Variants in PPP4R1 observed in about 807,000 individuals in gnomAD.
The protein encoded by PPP4R1 is serine/threonine-protein phosphatase 4 regulatory subunit 1.
A neutral mutation model predicts 111.2 loss-of-function variants in PPP4R1; 42 were observed. That is an observed-to-expected ratio of 0.38 (90% CI 0.29 to 0.49). The LOEUF (loss-of-function observed/expected upper bound fraction) is 0.49. Among genes scored for constraint, PPP4R1 ranks in the 20% least tolerant of loss-of-function variants. PPP4R1 has a pLI of 0.97. For missense variants in PPP4R1, 1,012 were observed against 1,161.6 expected, an observed-to-expected ratio of 0.87 and a Z score of 1.87; for synonymous variants, 409 against 405.5, an observed-to-expected ratio of 1.01 and a Z score of -0.10.
intron 2 of PPP4R1, among the ~76,000 whole-genome samples, chr18:9,602,366 C>CG (rs2067399863): frequency 2.0e-5 from 1 of 49,806 alleles, no homozygotes; most frequent in Non-Finnish European, 3.5e-5. Context: ...CCCATCTCTA[C>CG]TAAAAAAAAA....
At chr18:9,563,241 T>C (rs2066706436) in intron 12 of PPP4R1, 137 bp downstream of exon 12, 2 of 1,261,490 alleles carry the variant, frequency 1.6e-6, no homozygotes, top group Non-Finnish European at 1.1e-6. Flanking sequence ...ACAATTACTT[T>C]ATGCAAAACG....
At chr18:9,603,816 G>A (rs1263563099) in intron 2 of PPP4R1, among the ~76,000 whole-genome samples, 1 of 151,980 alleles carries the variant, frequency 6.6e-6, no homozygotes, top group Non-Finnish European at 1.5e-5. Context: ...CCTATTTTTG[G>A]TGCAAAGAAA....
At chr18:9,593,924 T>C (rs753270850) in intron 3 of PPP4R1, 50 bp from the exon 4 acceptor site, 3 of 1,437,936 alleles carry the variant, frequency 2.1e-6, no homozygotes, top group Non-Finnish European at 2.9e-6. Context: ...CAATAGCTAA[T>C]ATCCAGAATT....
intron 16 of PPP4R1, 44 bp downstream of exon 16, chr18:9,553,278 A>G: frequency 7.2e-7 from 1 of 1,382,358 alleles, no homozygotes; most frequent in South Asian, 1.2e-5. Flanking sequence ...TGAAGTAAAT[A>G]TATACCCCTC....
intron 12 of PPP4R1, 65 bp downstream of exon 12, chr18:9,563,313 T>A: frequency 6.8e-7 from 1 of 1,461,196 alleles, no homozygotes; most frequent in Non-Finnish European, 9.2e-7. Flanking sequence ...CTACAACTAT[T>A]CCCCAATGAA....
In PPP4R1 at chr18:9,547,674, C is replaced by T. The variant is rs757982905; in HGVS notation, c.*115G>A. On this transcript the variant is annotated 3_prime_UTR_variant, in exon 20 of 20. Coordinates refer to ENST00000400556, the MANE Select transcript of PPP4R1 (RefSeq NM_001042388.3). Reference sequence around the variant, plus strand: ...GGCAACTTGCACCTGCAATGAAGTCCGCAGGAGAGGAAGGTCTCTCCTCCC... The same window carrying T: ...GGCAACTTGCACCTGCAATGAAGTCTGCAGGAGAGGAAGGTCTCTCCTCCC... 718 of 1,304,684 alleles carry T rather than the reference C, an allele frequency of 5.5e-4. 1 individual carries two copies. The highest frequency in any genetic ancestry group is 1.1e-3 in the Middle Eastern group (4 of 3,628). 80.8% of individuals were successfully genotyped at this position (1,304,684 alleles called of 1,614,324 possible).
At position 9,550,160 on chromosome 18, in the gene PPP4R1, G is replaced by A. The variant is rs190414935; in HGVS notation, c.2439C>T (p.His813=). The change falls in exon 18 of 20, where the codon CAC becomes CAT. Residue 813 remains histidine (H), a synonymous_variant. Transcript: ENST00000400556. ...CTCCGAACGTTGGTGGTGTTGCCGC[G>A]TGCAGCTTCTTCACCATCTCGCTGA... ...KLVSEMVKKL[H]AATPPTFGVD... 5.3e-5 allele frequency: 86 copies of A among 1,614,184 alleles called. No individual in the cohort carries two copies. The African/African-American group carries it at 9.2e-4, about 17-fold the overall frequency.
intron 2 of PPP4R1, among the ~76,000 whole-genome samples, chr18:9,598,732 A>T (rs2067330941): frequency 6.6e-6 from 1 of 152,150 alleles, no homozygotes; most frequent in African/African-American, 2.4e-5. Flanking sequence ...CATCAGAAAC[A>T]ATTAATATGG....
At chr18:9,589,938 T>C (rs1221629027) in intron 4 of PPP4R1, 2 of 152,196 alleles carry the variant, frequency 1.3e-5, no homozygotes, top group African/African-American at 4.8e-5. Flanking sequence ...AGATAACAGA[T>C]ACCAATACTC....
Position 9,614,316 on chromosome 18 carries a change from C to T in PPP4R1, c.8-46G>A, listed in dbSNP as rs2067646374. The stretch of plus-strand genomic sequence containing the variant: ...AAAGGCCCGGTCAGCGCCCCGGGGC[C>T]CGGCGCGACGCCCCCCCCCCGCCCG... On this transcript the variant is annotated intron_variant, in intron 1 of 19. Transcript: ENST00000400556. The surrounding 1 kb of genome is among the most constrained non-coding windows in gnomAD (Gnocchi z 4.1). 3.2e-5 allele frequency: 38 copies of T among 1,191,436 alleles called. No individual in the cohort carries two copies. Among genetic ancestry groups the T allele is most frequent in the Non-Finnish European group, 3.8e-5 (36 of 950,580 alleles). 73.8% of individuals were successfully genotyped at this position (1,191,436 alleles called of 1,614,324 possible). A position where few individuals can be genotyped will look rare whatever the true frequency, so the allele number is the denominator to read the frequency against.
intron 11 of PPP4R1, 51 bp from the exon 12 acceptor site, chr18:9,563,601 T>C (rs747444565): frequency 1.2e-5 from 18 of 1,453,106 alleles, no homozygotes; most frequent in African/African-American, 2.8e-5. Context: ...ATTGCAATAT[T>C]CTTACAAGGC....
intron 15 of PPP4R1, among the ~76,000 whole-genome samples, chr18:9,556,278 C>G (rs912532183): frequency 6.6e-6 from 1 of 151,704 alleles, no homozygotes; most frequent in African/African-American, 2.4e-5. Context: ...CTGCAACCTC[C>G]ACCTCCTGGG....
At chr18:9,604,948 T>C (rs1462051039) in intron 2 of PPP4R1, among the ~76,000 whole-genome samples, 1 of 152,226 alleles carries the variant, frequency 6.6e-6, no homozygotes, top group Non-Finnish European at 1.5e-5. Flanking sequence ...ACAAGCACAT[T>C]AGCATATTAA....
At position 9,547,228 on chromosome 18, in the gene PPP4R1, T is replaced by C. The variant is rs1415052137; in HGVS notation, c.*561A>G. 6.5e-6 allele frequency: 1 copy of C among 153,692 alleles called. No homozygotes were observed. The highest frequency in any genetic ancestry group is 2.4e-5 in the African/African-American group (1 of 41,460). 9.5% of individuals were successfully genotyped at this position (153,692 alleles called of 1,614,324 possible). On this transcript the variant is annotated 3_prime_UTR_variant, in exon 20 of 20. Transcript: ENST00000400556. The stretch of plus-strand genomic sequence containing the variant: ...CTACTTGTGTTGGCATCAGGTCCTT[T>C]AGGAGATGTAAAAACCCCTCCTTTC...
Position 9,547,697 on chromosome 18 carries a change from C to T in PPP4R1, c.*92G>A. Reference sequence around the variant, plus strand: ...TCCGCAGGAGAGGAAGGTCTCTCCTCCCCCGAAAGCTATCCCAGGTCACAT... The same window carrying T: ...TCCGCAGGAGAGGAAGGTCTCTCCTTCCCCGAAAGCTATCCCAGGTCACAT... On this transcript the variant is annotated 3_prime_UTR_variant, in exon 20 of 20. Coordinates refer to ENST00000400556, the MANE Select transcript of PPP4R1 (RefSeq NM_001042388.3). The T allele has an allele frequency of 2.0e-6, 3 of 1,471,218 alleles. No homozygotes were observed. The highest frequency in any genetic ancestry group is 1.2e-5 in the South Asian group (1 of 81,442). 91.1% of individuals were successfully genotyped at this position (1,471,218 alleles called of 1,614,324 possible).
Position 9,570,546 on chromosome 18 carries a change from A to G in PPP4R1, c.1184T>C (p.Leu395Pro), listed in dbSNP as rs759874439. The G allele has an allele frequency of 6.2e-7, 1 of 1,614,196 alleles. No individual in the cohort carries two copies. Among genetic ancestry groups the G allele is most frequent in the East Asian group, 2.2e-5 (1 of 44,886 alleles). ...GTCCAGTGGAACACTAATTTCACCTAGAGGCTTCCCGGATGCCTCAGCAGC... is the reference window on the plus strand; with the variant it reads ...GTCCAGTGGAACACTAATTTCACCTGGAGGCTTCCCGGATGCCTCAGCAGC... Reference protein sequence around the residue: ...DHAAEASGKPLGEISVPLDSS... With the variant: ...DHAAEASGKPPGEISVPLDSS... Residue 395 changes from leucine to proline, a missense_variant, in exon 11 of 20, where the codon CTA (leucine) becomes CCA (proline). Around this residue, in one of 2 missense-constraint regions of PPP4R1, gnomAD observed 707 missense variants for 742.1 expected, o/e 0.95. Transcript: ENST00000400556.
At chr18:9,604,349 G>C (rs141291438) in intron 2 of PPP4R1, among the ~76,000 whole-genome samples, 71 of 152,156 alleles carry the variant, frequency 4.7e-4, no homozygotes, top group Non-Finnish European at 5.9e-5. Context: ...AGATGCCCTT[G>C]CACGCCCTCC....
At chr18:9,614,579 G>C, upstream of PPP4R1, 8 of 850,012 alleles carry the variant, frequency 9.4e-6, no homozygotes, top group Non-Finnish European at 1.1e-5. This position sits in a 1 kb window ranked among gnomAD's most constrained non-coding sequence, Gnocchi z 4.1. Flanking sequence ...CGGGAGGGGC[G>C]GCGGGGAGGA....
chr18:9,575,782 T>C (rs2066926643), intron 10 of PPP4R1, among the ~76,000 whole-genome samples: 1 of 151,964 alleles, frequency 6.6e-6, no homozygotes, highest in Non-Finnish European at 1.5e-5. Context: ...AAAGGCCGAG[T>C]GAGTAGTTGT....
Sources: gnomAD v4.1 joint callset for allele counts (sites outside exome capture counted in the v4.1 genomes callset) on GRCh38, gnomAD v4.1.1 for gene constraint, gnomAD v4.1.1 regional missense constraint, Gnocchi (gnomAD v3.1) non-coding constraint, MANE v1.5 for transcripts, NCBI Gene and HGNC (gene_info 2026-07-23, HGNC 2026-07-21) for gene names.